Variants in CRB1 observed in about 807,000 individuals in gnomAD.
CRB1 encodes protein crumbs homolog 1.
CRB1 carries 83 observed loss-of-function variants against 120.0 expected under a neutral mutation model. The observed-to-expected ratio is 0.69, with a 90% CI of 0.58 to 0.83. CRB1 has a LOEUF of 0.83. CRB1 is among the 40% of genes least tolerant of loss of function. The probability of loss-of-function intolerance (pLI) is 0.00; values close to 1 mark genes in which losing one functional copy is unlikely to be tolerated. For missense variants in CRB1, 1,699 were observed against 1,687.6 expected, an observed-to-expected ratio of 1.01 and a Z score of -0.12; for synonymous variants, 625 against 612.5, an observed-to-expected ratio of 1.02 and a Z score of -0.30.
chr1:197,395,507 G>T (rs1662727028), intron 5 of CRB1, among the ~76,000 whole-genome samples: 1 of 152,070 alleles, frequency 6.6e-6, no homozygotes, highest in South Asian at 2.1e-4. Context: ...TCCCAAGTTG[G>T]AACATGAGAT....
chr1:197,448,492 C>G (rs1181483738), intron 11 of CRB1, among the ~76,000 whole-genome samples: 1 of 152,156 alleles, frequency 6.6e-6, no homozygotes, highest in African/African-American at 2.4e-5. Context: ...GTGACACAAA[C>G]TGTCTCCAAC....
At chr1:197,344,804 A>C (rs1457128015) in intron 3 of CRB1, among the ~76,000 whole-genome samples, 1 of 152,220 alleles carries the variant, frequency 6.6e-6, no homozygotes, top group African/African-American at 2.4e-5. Context: ...ATATATGTGT[A>C]CATAAGTTTG....
At chr1:197,204,254 C>T in the CRB1 span, among the ~76,000 whole-genome samples, 29 of 152,308 alleles carry the variant, frequency 1.9e-4, no homozygotes, top group African/African-American at 7.0e-4. Flanking sequence ...TACAAGCCTG[C>T]GTGTGCAAAT....
chr1:197,305,965 G>T (rs1457078623), intron 1 of CRB1, among the ~76,000 whole-genome samples: 2 of 151,872 alleles, frequency 1.3e-5, no homozygotes, highest in Non-Finnish European at 2.9e-5. Context: ...TCTCAATTCT[G>T]GGAATATCTT....
intron 5 of CRB1, among the ~76,000 whole-genome samples, chr1:197,412,077 T>C (rs1168597010): frequency 1.3e-5 from 2 of 152,220 alleles, no homozygotes; most frequent in East Asian, 3.8e-4. Flanking sequence ...ATATTTGACA[T>C]GTGTATTCTA....
intron 11 of CRB1, among the ~76,000 whole-genome samples, chr1:197,454,912 G>T (rs1383582057): frequency 6.6e-6 from 1 of 152,134 alleles, no homozygotes; most frequent in African/African-American, 2.4e-5. Context: ...ACAAAAAAGT[G>T]TGTTTGTGCT....
chr1:197,416,859 G>A (rs566916984), intron 5 of CRB1, among the ~76,000 whole-genome samples: 34 of 152,158 alleles, frequency 2.2e-4, no homozygotes, highest in South Asian at 1.2e-3. Context: ...ACAGGCACAC[G>A]CCACCACGCC....
intron 5 of CRB1, among the ~76,000 whole-genome samples, chr1:197,371,390 A>T (rs1661363269): frequency 6.6e-6 from 1 of 152,162 alleles, no homozygotes; most frequent in African/African-American, 2.4e-5. Context: ...AGCACTAGAT[A>T]AAAATCCTTC....
At chr1:197,291,281 C>G (rs1443111797) in intron 1 of CRB1, among the ~76,000 whole-genome samples, 1 of 151,566 alleles carries the variant, frequency 6.6e-6, no homozygotes. Context: ...GTCTTTTATC[C>G]CATTCTAACG....
chr1:197,219,619 G>T, the CRB1 span, among the ~76,000 whole-genome samples: 2 of 152,200 alleles, frequency 1.3e-5, no homozygotes, highest in Non-Finnish European at 2.9e-5. Context: ...CAGCGAATAC[G>T]CAGAGGAGTA....
At chr1:197,313,895 A>G (rs1453915017) in intron 1 of CRB1, among the ~76,000 whole-genome samples, 1 of 152,168 alleles carries the variant, frequency 6.6e-6, no homozygotes, top group East Asian at 1.9e-4. Context: ...TGGGAGTGCA[A>G]ATATCTCAAG....
Position 197,380,114 on chromosome 1 carries a change from C to T in CRB1, c.1171+23101C>T, listed in dbSNP as rs936148115. On this transcript the variant is annotated intron_variant, in intron 5 of 11. Transcript: ENST00000367400. ...GATCGAGATTTTCTACTTAACACCT[C>T]GGTTCTGCAGAGCCCAAGGTGATTA... is the stretch of plus-strand genomic sequence containing the variant. Among the ~76,000 whole-genome samples the T allele has an allele frequency of 2.0e-5, 3 of 152,292 alleles. 1 individual carries two copies. The highest frequency in any genetic ancestry group is 4.1e-4 in the South Asian group (2 of 4,824).
At chr1:197,334,399 A>C (rs531425838) in intron 2 of CRB1, among the ~76,000 whole-genome samples, 7 of 152,308 alleles carry the variant, frequency 4.6e-5, no homozygotes, top group African/African-American at 1.7e-4. Context: ...CCAATGCAAT[A>C]GTATTGGGAG....
intron 1 of CRB1, among the ~76,000 whole-genome samples, chr1:197,292,537 G>C (rs185887970): frequency 6.6e-6 from 1 of 152,100 alleles, no homozygotes; most frequent in East Asian, 1.9e-4. Flanking sequence ...GAAAAAGAGG[G>C]AATCCTCCCT....
At chr1:197,344,580 T>G (rs1659663530) in intron 3 of CRB1, 104 bp downstream of exon 3, 2 of 1,114,726 alleles carry the variant, frequency 1.8e-6, no homozygotes, top group Non-Finnish European at 2.7e-6. Flanking sequence ...GCTTAAAATT[T>G]GGGGTGTAAC....
chr1:197,326,382 G>T (rs957402500), intron 1 of CRB1, among the ~76,000 whole-genome samples: 48 of 152,238 alleles, frequency 3.2e-4, no homozygotes, highest in African/African-American at 1.2e-3. Flanking sequence ...ACTTTGGGAG[G>T]CCTGGATGGC....
chr1:197,320,949 T>G (rs983997063), intron 1 of CRB1, among the ~76,000 whole-genome samples: 1 of 152,234 alleles, frequency 6.6e-6, no homozygotes, highest in African/African-American at 2.4e-5. Context: ...ATTCAAAACA[T>G]CAGATATTCT....
chr1:197,344,557 T>C, intron 3 of CRB1, 81 bp downstream of exon 3: 1 of 1,348,810 alleles, frequency 7.4e-7, no homozygotes, highest in Non-Finnish European at 1.1e-6. Flanking sequence ...AATTTAGAGC[T>C]CTCACGTTCT....
At chr1:197,219,231 G>T in the CRB1 span, among the ~76,000 whole-genome samples, 1 of 152,160 alleles carries the variant, frequency 6.6e-6, no homozygotes, top group Non-Finnish European at 1.5e-5. Flanking sequence ...TTTGAAACTG[G>T]AACCTCAAAT....
Sources: allele counts gnomAD v4.1 joint callset (sites outside exome capture counted in the v4.1 genomes callset), GRCh38; gene constraint gnomAD v4.1.1; transcripts MANE v1.5; gene names NCBI Gene and HGNC (gene_info 2026-07-23, HGNC 2026-07-21).